Variants in CS observed in about 807,000 individuals in gnomAD.
CS encodes the protein citrate synthase.
CS carries 13 observed loss-of-function variants against 61.4 expected under a neutral mutation model. That is an observed-to-expected ratio of 0.21 (90% CI 0.14 to 0.34). The LOEUF (loss-of-function observed/expected upper bound fraction) is 0.34, where lower values mean the gene tolerates loss of function less well. Among genes scored for constraint, CS ranks in the 10% least tolerant of loss-of-function variants. CS has a pLI of 1.00. For synonymous variants in CS, 159 were observed against 215.2 expected, an observed-to-expected ratio of 0.74 and a Z score of 2.29; for missense variants, 278 against 573.4, an observed-to-expected ratio of 0.48 and a Z score of 5.26.
intron 3 of CS, 95 bp from the exon 4 acceptor site, chr12:56,283,952 G>T: frequency 2.3e-6 from 2 of 871,628 alleles, no homozygotes; most frequent in Non-Finnish European, 3.7e-6. Context: ...CATGGGATCT[G>T]GGAGAGAAAA....
In CS at chr12:56,276,063, T is replaced by C. The variant is rs1320504976; in HGVS notation, c.721A>G (p.Thr241Ala). 6.2e-7 allele frequency: 1 copy of C among 1,613,972 alleles called. No homozygotes were observed. Among genetic ancestry groups the C allele is most frequent in the Non-Finnish European group, 8.5e-7 (1 of 1,180,012 alleles). ...TGATCAGTATAGCCTAACATGTTGGTGAAATTGTGAGACCAGTCCAGGTTA... is the reference window on the plus strand; with the variant it reads ...TGATCAGTATAGCCTAACATGTTGGCGAAATTGTGAGACCAGTCCAGGTTA... ...DSNLDWSHNF[T>A]NMLGYTDHQF... The change falls in exon 7 of 11, where the codon ACC (threonine) becomes GCC (alanine). Residue 241 changes from threonine (T) to alanine (A), a missense_variant. By Grantham distance (58) the Thr-to-Ala change is moderately conservative (BLOSUM62 0). Transcript: ENST00000351328.
chr12:56,293,477 G>A (rs890421559), intron 1 of CS, among the ~76,000 whole-genome samples: 1 of 152,230 alleles, frequency 6.6e-6, no homozygotes, highest in Non-Finnish European at 1.5e-5. Context: ...AACACCTTGG[G>A]AGGCCAAGGT....
intron 1 of CS, among the ~76,000 whole-genome samples, chr12:56,294,793 G>A (rs1592414481): frequency 6.6e-6 from 1 of 151,944 alleles, no homozygotes; most frequent in Admixed American, 6.6e-5. Flanking sequence ...TTGTTGAGAC[G>A]AGTCTCACTC....
intron 1 of CS, among the ~76,000 whole-genome samples, chr12:56,288,364 T>G (rs1298854808): frequency 6.7e-6 from 1 of 149,552 alleles, no homozygotes; most frequent in African/African-American, 2.5e-5. Flanking sequence ...TTTTTTTTTT[T>G]TTTTTGAGAT....
At chr12:56,287,605 T>C (rs941091917) in intron 1 of CS, among the ~76,000 whole-genome samples, 2 of 151,882 alleles carry the variant, frequency 1.3e-5, no homozygotes, top group East Asian at 1.9e-4. Context: ...TGTGAGAAGA[T>C]TGTTAAGTTG....
At chr12:56,293,323 T>G (rs562137676) in intron 1 of CS, among the ~76,000 whole-genome samples, 2 of 152,050 alleles carry the variant, frequency 1.3e-5, no homozygotes, top group Non-Finnish European at 2.9e-5. Context: ...TAACCAACAT[T>G]AAAACCTTGG....
chr12:56,275,914 A>G (rs1167983726), intron 7 of CS, 82 bp downstream of exon 7: 2 of 1,182,830 alleles, frequency 1.7e-6, no homozygotes, highest in Non-Finnish European at 2.5e-6. Flanking sequence ...TGTTCTCAGA[A>G]GATGAGAACA....
intron 7 of CS, chr12:56,275,656 A>G: frequency 3.1e-6 from 1 of 325,384 alleles, no homozygotes. Flanking sequence ...CTGGTTGATG[A>G]TGCCTGTATG....
chr12:56,290,511 G>C (rs1873087748), intron 1 of CS, among the ~76,000 whole-genome samples: 1 of 152,066 alleles, frequency 6.6e-6, no homozygotes, highest in African/African-American at 2.4e-5. Context: ...CGCTCAGCCT[G>C]ATAGCCACTT....
In CS at chr12:56,298,735, A is replaced by G; in HGVS notation, c.42+1425T>C. ...ATCTTACAAATTTCACTTTGTGCCAACCATGAAAAATAACGCACAGCAGGC... is the reference window on the plus strand; with the variant it reads ...ATCTTACAAATTTCACTTTGTGCCAGCCATGAAAAATAACGCACAGCAGGC... On this transcript the variant is annotated intron_variant, in intron 1 of 10. Coordinates refer to ENST00000351328, the MANE Select transcript of CS (RefSeq NM_004077.3). The G allele has an allele frequency of 1.2e-5, 11 of 956,472 alleles. No individual in the cohort carries two copies. The South Asian group carries it at 4.8e-4, about 42-fold the overall frequency. 59.2% of individuals were successfully genotyped at this position (956,472 alleles called of 1,614,324 possible).
intron 1 of CS, among the ~76,000 whole-genome samples, chr12:56,293,629 G>A (rs1363573698): frequency 1.3e-5 from 2 of 152,068 alleles, no homozygotes; most frequent in Non-Finnish European, 2.9e-5. Flanking sequence ...AGGCAGAATC[G>A]CCTGGACCTG....
chr12:56,280,425 C>CA (rs368203816), intron 6 of CS, among the ~76,000 whole-genome samples: 39,628 of 118,750 alleles, frequency 0.33, 8,006 homozygotes, highest in Non-Finnish European at 0.41. Context: ...CCAAAAAAAA[C>CA]AAAAAAAAAA....
At chr12:56,292,699 A>G (rs1363202851) in intron 1 of CS, among the ~76,000 whole-genome samples, 1 of 144,906 alleles carries the variant, frequency 6.9e-6, no homozygotes, top group Non-Finnish European at 1.5e-5. Context: ...CCTGGCTAAC[A>G]GGGTGAAACC....
chr12:56,282,243 C>T, intron 6 of CS, 177 bp downstream of exon 6: 1 of 538,618 alleles, frequency 1.9e-6, no homozygotes, highest in South Asian at 3.0e-5. Context: ...CCATGCTCTA[C>T]TTAGCTTTGT....
At chr12:56,295,951 CAAAAAAAAAAAAAAAAAAAA>C (rs71081343) in intron 1 of CS, among the ~76,000 whole-genome samples, 1 of 40,480 alleles carries the variant, frequency 2.5e-5, no homozygotes, top group East Asian at 1.0e-3. Context: ...GAAACTGTCT[CAAAAAAAAAAAAAAAAAAAA>C]AAAAAAAAAA....
Position 56,273,271 on chromosome 12 carries a change from A to T in CS, c.1231-17T>A. On this transcript the variant is annotated splice_polypyrimidine_tract_variant and intron_variant, in intron 10 of 10. Transcript: ENST00000351328. ...GCCATAATACTGTAAGGTAGAAGAG[A>T]AAAATATTTCATTTAAGGCAGAGGC... 1 of 1,611,632 alleles carries T rather than the reference A, an allele frequency of 6.2e-7. No homozygotes were observed. Among genetic ancestry groups the T allele is most frequent in the Non-Finnish European group, 8.5e-7 (1 of 1,178,580 alleles).
intron 10 of CS, 151 bp downstream of exon 10, chr12:56,273,436 C>T (rs2135908339): frequency 2.1e-6 from 2 of 967,520 alleles, no homozygotes; most frequent in South Asian, 1.6e-5. Context: ...AACAGAGCAA[C>T]CCCAACCCCC....
At chr12:56,280,027 C>A (rs1336089499) in intron 6 of CS, among the ~76,000 whole-genome samples, 4 of 152,004 alleles carry the variant, frequency 2.6e-5, no homozygotes, top group African/African-American at 9.7e-5. Context: ...CGCCTATAAT[C>A]CCAGCACTTT....
At chr12:56,299,625 C>T (rs1301643140) in intron 1 of CS, among the ~76,000 whole-genome samples, 1 of 152,218 alleles carries the variant, frequency 6.6e-6, no homozygotes, top group Non-Finnish European at 1.5e-5. Flanking sequence ...GAAGGACCCA[C>T]TCTTGTGCTC....
Sources: gnomAD v4.1 joint callset for allele counts (sites outside exome capture counted in the v4.1 genomes callset) on GRCh38, gnomAD v4.1.1 for gene constraint, MANE v1.5 for transcripts, NCBI Gene and HGNC (gene_info 2026-07-23, HGNC 2026-07-21) for gene names.